CDK14: variants seen among roughly 807,000 people sequenced by gnomAD.
CDK14 encodes cyclin-dependent kinase 14.
In CDK14, 34 loss-of-function variants were observed where a neutral mutation model predicts 60.7. The ratio of observed to expected loss-of-function variants is 0.56; its 90% CI spans 0.43 to 0.75. CDK14 has a LOEUF of 0.75. Among genes scored for constraint, CDK14 ranks in the 30% least tolerant of loss-of-function variants. CDK14 has a pLI of 0.00. For synonymous variants in CDK14, 197 were observed against 203.7 expected (o/e 0.97, Z 0.28); for missense variants, 482 against 564.1 (o/e 0.85, Z 1.47).
chr7:90,791,803 C>G (rs999245094), intron 5 of CDK14, among the ~76,000 whole-genome samples: 1 of 152,074 alleles, frequency 6.6e-6, no homozygotes, highest in Non-Finnish European at 1.5e-5. Flanking sequence ...ATGGTTGAAA[C>G]GGTCTCTTCT....
chr7:90,912,003 C>T (rs1279315385), intron 7 of CDK14, among the ~76,000 whole-genome samples: 1 of 152,064 alleles, frequency 6.6e-6, no homozygotes, highest in African/African-American at 2.4e-5. Flanking sequence ...CAAAAATGTC[C>T]CTGTTCATCG....
intron 12 of CDK14, among the ~76,000 whole-genome samples, chr7:91,083,281 A>G (rs1242879298): frequency 6.6e-6 from 1 of 152,174 alleles, no homozygotes; most frequent in Non-Finnish European, 1.5e-5. Flanking sequence ...TCTAAAGCAG[A>G]CACTAAAGCA....
chr7:90,735,895 G>T (rs181149835), intron 3 of CDK14, among the ~76,000 whole-genome samples: 1 of 152,322 alleles, frequency 6.6e-6, no homozygotes, highest in African/African-American at 2.4e-5. Flanking sequence ...GCTGCAGCTA[G>T]CTCGGTGTCT....
intron 9 of CDK14, among the ~76,000 whole-genome samples, chr7:90,969,968 CTT>C (rs11317741): frequency 2.0e-3 from 247 of 122,394 alleles, no homozygotes; most frequent in Middle Eastern, 4.1e-3. Context: ...AATTTTTAAG[CTT>C]TTTTTTTTTT....
intron 11 of CDK14, among the ~76,000 whole-genome samples, chr7:91,056,715 A>G (rs1562885626): frequency 1.3e-5 from 2 of 152,114 alleles, no homozygotes; most frequent in African/African-American, 4.8e-5. Flanking sequence ...AGCTTCATCC[A>G]TGTCCCTACA....
Position 90,650,462 on chromosome 7 carries a change from A to G in CDK14, c.123+46213A>G, listed in dbSNP as rs558453060. ...TGCTGTGCAGAAGCTCTTTAGTTTAATTAGATCCCATTTGTCAATTTTGGC... is the reference window on the plus strand; with the variant it reads ...TGCTGTGCAGAAGCTCTTTAGTTTAGTTAGATCCCATTTGTCAATTTTGGC... On this transcript the variant is annotated intron_variant, in intron 2 of 14. Coordinates refer to ENST00000380050, the MANE Select transcript of CDK14 (RefSeq NM_001287135.2). Among the ~76,000 whole-genome samples the G allele has an allele frequency of 3.3e-4, 51 of 152,264 alleles. No individual in the cohort carries two copies. The Middle Eastern group carries it at 0.01, about 30-fold the overall frequency.
chr7:91,158,286 C>T (rs1801052869), intron 14 of CDK14, among the ~76,000 whole-genome samples: 1 of 151,798 alleles, frequency 6.6e-6, no homozygotes, highest in African/African-American at 2.4e-5. Context: ...AATCTTGACT[C>T]ACTGCAGTCT....
intron 2 of CDK14, among the ~76,000 whole-genome samples, chr7:90,613,700 A>T (rs973690110): frequency 2.6e-5 from 4 of 152,086 alleles, no homozygotes; most frequent in Admixed American, 6.5e-5. Flanking sequence ...AATAAAAAAA[A>T]AATAAAAAAA....
chr7:90,879,250 T>C (rs1791661994), intron 6 of CDK14, among the ~76,000 whole-genome samples: 1 of 152,238 alleles, frequency 6.6e-6, no homozygotes, highest in Admixed American at 6.5e-5. Context: ...TGTGTATGTT[T>C]ATGTGTATAC....
intron 8 of CDK14, among the ~76,000 whole-genome samples, chr7:90,925,203 C>T (rs920553914): frequency 5.9e-5 from 9 of 152,064 alleles, no homozygotes; most frequent in Admixed American, 1.3e-4. Flanking sequence ...AGTTTTTAAT[C>T]AGAAAGGATA....
At chr7:91,197,339 G>T (rs145726824) in intron 14 of CDK14, among the ~76,000 whole-genome samples, 2,268 of 150,968 alleles carry the variant, frequency 0.015, 21 homozygotes, top group South Asian at 0.028. Context: ...GGCAGAGGTT[G>T]CAGTGAGCCG....
intron 2 of CDK14, among the ~76,000 whole-genome samples, chr7:90,623,610 A>G (rs945882648): frequency 2.0e-5 from 3 of 152,168 alleles, no homozygotes; most frequent in Non-Finnish European, 4.4e-5. Context: ...AGTATTGTGA[A>G]TATCAGGTTT....
intron 2 of CDK14, among the ~76,000 whole-genome samples, chr7:90,645,045 C>T (rs1049578596): frequency 6.6e-6 from 1 of 151,992 alleles, no homozygotes; most frequent in African/African-American, 2.4e-5. Context: ...TTAGTGAGCA[C>T]CAAATGTGGT....
chr7:91,037,399 G>A (rs907705485), intron 10 of CDK14, among the ~76,000 whole-genome samples: 1 of 152,032 alleles, frequency 6.6e-6, no homozygotes, highest in Non-Finnish European at 1.5e-5. Context: ...AGACATACAC[G>A]TATGTATGTG....
intron 12 of CDK14, among the ~76,000 whole-genome samples, chr7:91,089,570 G>GAA (rs60356035): frequency 1.4e-5 from 2 of 139,652 alleles, no homozygotes; most frequent in Non-Finnish European, 1.5e-5. Flanking sequence ...GCTCTGAGGG[G>GAA]AAAAAAAAAA....
At chr7:91,043,880 A>C (rs1797160456) in intron 10 of CDK14, among the ~76,000 whole-genome samples, 1 of 152,182 alleles carries the variant, frequency 6.6e-6, no homozygotes, top group Non-Finnish European at 1.5e-5. Flanking sequence ...TTTGGCACTT[A>C]CTGTATATGT....
At chr7:90,704,771 C>G (rs1801861749) in intron 2 of CDK14, among the ~76,000 whole-genome samples, 1 of 152,094 alleles carries the variant, frequency 6.6e-6, no homozygotes, top group African/African-American at 2.4e-5. Context: ...TAAGACATGG[C>G]TGTTAAACAT....
chr7:91,106,926 G>C (rs1028366732), intron 12 of CDK14, among the ~76,000 whole-genome samples: 1 of 152,164 alleles, frequency 6.6e-6, no homozygotes, highest in Admixed American at 6.5e-5. Flanking sequence ...CATGACTTCT[G>C]TGCAAACAGG....
chr7:91,010,839 C>T (rs191071595), intron 10 of CDK14, among the ~76,000 whole-genome samples: 11,267 of 91,964 alleles, frequency 0.12, 614 homozygotes, highest in Middle Eastern at 0.2. Flanking sequence ...CTTCCTCCCT[C>T]CCTCCCTCCC....
Sources: allele counts gnomAD v4.1 joint callset (sites outside exome capture counted in the v4.1 genomes callset), GRCh38; gene constraint gnomAD v4.1.1; transcripts MANE v1.5; gene names NCBI Gene and HGNC (gene_info 2026-07-23, HGNC 2026-07-21).